The following RB1 variants were observed in gnomAD, a reference collection of about 807,000 sequenced individuals.
The protein encoded by RB1 is retinoblastoma-associated protein.
A neutral mutation model predicts 135.4 loss-of-function variants in RB1; 18 were observed. That is an observed-to-expected ratio of 0.13 (90% CI 0.09 to 0.20). The LOEUF is 0.20. Ranked by LOEUF, RB1 falls within the 10% of genes least tolerant of loss-of-function variation. The pLI is 1.00. For synonymous variants in RB1, 365 were observed against 373.2 expected, an observed-to-expected ratio of 0.98 and a Z score of 0.25; for missense variants, 868 against 1,110.0, an observed-to-expected ratio of 0.78 and a Z score of 3.10.
At chr13:48,415,962 G>C (rs1222591030) in intron 17 of RB1, 1 of 152,168 alleles carries the variant, frequency 6.6e-6, no homozygotes, top group African/African-American at 2.4e-5. Flanking sequence ...GCAAAGGGAG[G>C]TAATGAATCC....
chr13:48,320,362 AC>A, intron 2 of RB1: 2 of 1,238,260 alleles, frequency 1.6e-6, no homozygotes. Context: ...CACGCTCTCC[AC>A]CCCCTCGTCA....
chr13:48,422,499 ATACT>A (rs1221402093), intron 17 of RB1, among the ~76,000 whole-genome samples: 1 of 152,186 alleles, frequency 6.6e-6, no homozygotes, highest in Non-Finnish European at 1.5e-5. Context: ...ATGTATCCCA[ATACT>A]TAAAGTATAA....
chr13:48,315,444 A>G (rs114815782), intron 2 of RB1, among the ~76,000 whole-genome samples: 3,155 of 152,256 alleles, frequency 0.021, 127 homozygotes, highest in African/African-American at 0.072. Context: ...GGGATTTTCT[A>G]GGTGTAAAAT....
In RB1 at chr13:48,342,651, C is replaced by A. The variant is rs2138083790; in HGVS notation, c.317C>A (p.Ala106Glu). 1 of 1,612,664 alleles carries A rather than the reference C, an allele frequency of 6.2e-7. No individual in the cohort carries two copies. Among genetic ancestry groups the A allele is most frequent in the East Asian group, 2.2e-5 (1 of 44,774 alleles). Residue 106 changes from alanine to glutamate, a missense_variant, in exon 3 of 27, where the codon GCA becomes GAA. Physicochemically the swap from Ala to Glu is moderately radical, Grantham distance 107 (BLOSUM62 -1). This residue lies in a region of RB1 where 641 missense variants were observed against 791.3 expected (regional missense o/e 0.81). Transcript: ENST00000267163. ...KELWGICIFIAAVDLDEMSFT... is the reference protein window; with the variant it reads ...KELWGICIFIEAVDLDEMSFT... ...CTGTGGGGAATCTGTATCTTTATTG[C>A]AGCAGTTGACCTAGATGAGATGTCG...
intron 1 of RB1, among the ~76,000 whole-genome samples, chr13:48,306,521 C>T (rs1483328545): frequency 1.3e-5 from 2 of 152,172 alleles, no homozygotes; most frequent in Non-Finnish European, 2.9e-5. Flanking sequence ...TAGTGGTTTA[C>T]CTCTTACCGG....
rs549786289 is a variant in RB1 at position 48,453,183 on chromosome 13, T to G, written c.1814+72T>G. Reference sequence around the variant, plus strand: ...TTTAAGCATAAGTGCAATGTAACATTCTATAAAGAAACTGTAGGGAATAGA... The same window carrying G: ...TTTAAGCATAAGTGCAATGTAACATGCTATAAAGAAACTGTAGGGAATAGA... On this transcript the variant is annotated intron_variant, in intron 18 of 26. Coordinates refer to ENST00000267163, the MANE Select transcript of RB1 (RefSeq NM_000321.3). 347 of 1,391,548 alleles carry G rather than the reference T, an allele frequency of 2.5e-4. 1 individual carries two copies. The highest frequency in any genetic ancestry group is 3.6e-4 in the Middle Eastern group (2 of 5,628). 86.2% of individuals were successfully genotyped at this position (1,391,548 alleles called of 1,614,324 possible).
At chr13:48,304,114 G>A in intron 1 of RB1, 65 bp downstream of exon 1, 1 of 1,324,012 alleles carries the variant, frequency 7.6e-7, no homozygotes, top group South Asian at 2.0e-5. Flanking sequence ...TAGGGCGGGC[G>A]CCAAGGCGGC....
intron 2 of RB1, among the ~76,000 whole-genome samples, chr13:48,326,361 T>C (rs944289179): frequency 2.0e-5 from 3 of 152,120 alleles, no homozygotes; most frequent in African/African-American, 7.2e-5. Context: ...TCTTGTTTTT[T>C]GTTTGTTTGT....
chr13:48,423,000 G>A (rs1949028562), intron 17 of RB1, among the ~76,000 whole-genome samples: 1 of 151,906 alleles, frequency 6.6e-6, no homozygotes, highest in African/African-American at 2.4e-5. Flanking sequence ...TGTGGTGGTG[G>A]GCACCTGTAG....
intron 17 of RB1, among the ~76,000 whole-genome samples, chr13:48,442,919 TTAAAA>T (rs1949252272): frequency 6.6e-6 from 1 of 152,290 alleles, no homozygotes; most frequent in Admixed American, 6.5e-5. Flanking sequence ...GTAACTTAGT[TTAAAA>T]TAAAATAAAA....
In RB1 at chr13:48,393,473, C is replaced by T. The variant is rs117920082; in HGVS notation, c.1695+12030C>T. Among the ~76,000 whole-genome samples the T allele has an allele frequency of 5.5e-3, 844 of 152,262 alleles. 5 individuals are homozygous for T. Among genetic ancestry groups the T allele is most frequent in the Middle Eastern group, 0.01 (3 of 294 alleles). ...TTCTCCCAGGGATTGCTGTTCTGTA[C>T]TGCCTGTTGTTTATTGTGTAAAAAG... On this transcript the variant is annotated intron_variant, in intron 17 of 26. Coordinates refer to ENST00000267163, the MANE Select transcript of RB1 (RefSeq NM_000321.3).
At chr13:48,459,931 T>TTCTC in intron 20 of RB1, 98 bp downstream of exon 20, 2 of 489,078 alleles carry the variant, frequency 4.1e-6, no homozygotes, top group Admixed American at 9.9e-5. Flanking sequence ...CTTTCTTTCT[T>TTCTC]TCTTTCTTTC....
chr13:48,347,935 ATAGT>A (rs1481461341), intron 5 of RB1, 72 bp downstream of exon 5: 3 of 1,186,622 alleles, frequency 2.5e-6, no homozygotes, highest in African/African-American at 3.0e-5. Flanking sequence ...AAACATCTTG[ATAGT>A]TAGGGTTAGT....
intron 2 of RB1, among the ~76,000 whole-genome samples, chr13:48,340,587 G>GAA (rs1470056844): frequency 5.3e-4 from 58 of 109,518 alleles, no homozygotes; most frequent in Non-Finnish European, 8.7e-4. Context: ...AAGAGAGAGA[G>GAA]AGAAAAAAAA....
intron 3 of RB1, 26 bp downstream of exon 3, chr13:48,342,740 C>G (rs1195371736): frequency 6.9e-7 from 1 of 1,458,158 alleles, no homozygotes; most frequent in Non-Finnish European, 9.6e-7. Context: ...TAAATATAAG[C>G]CTCTGCCATA....
At chr13:48,405,536 GT>G (rs1378358465) in intron 17 of RB1, among the ~76,000 whole-genome samples, 1 of 152,144 alleles carries the variant, frequency 6.6e-6, no homozygotes, top group African/African-American at 2.4e-5. Context: ...CATAAATTTT[GT>G]TTTAACACAG....
intron 17 of RB1, among the ~76,000 whole-genome samples, chr13:48,441,326 T>C (rs573799330): frequency 6.6e-6 from 1 of 152,326 alleles, no homozygotes; most frequent in Admixed American, 6.5e-5. Flanking sequence ...TGAAGACCCT[T>C]ATGTTACCTT....
chr13:48,374,519 T>A (rs992343977), intron 12 of RB1, among the ~76,000 whole-genome samples: 2 of 152,252 alleles, frequency 1.3e-5, no homozygotes, highest in Non-Finnish European at 2.9e-5. Context: ...ATTAGCAAAG[T>A]AATTTCTGTC....
At chr13:48,421,894 T>C (rs999281794) in intron 17 of RB1, among the ~76,000 whole-genome samples, 1 of 152,150 alleles carries the variant, frequency 6.6e-6, no homozygotes, top group Non-Finnish European at 1.5e-5. Context: ...ATGTGGAGAA[T>C]AGGAATGCTT....
Sources: gnomAD v4.1 joint callset for allele counts (sites outside exome capture counted in the v4.1 genomes callset) on GRCh38, gnomAD v4.1.1 for gene constraint, gnomAD v4.1.1 regional missense constraint, MANE v1.5 for transcripts, NCBI Gene and HGNC (gene_info 2026-07-23, HGNC 2026-07-21) for gene names.